The following PCSK2 variants were observed in gnomAD, a reference collection of about 807,000 sequenced individuals.
PCSK2 encodes the protein proprotein convertase subtilisin/kexin type 2.
A neutral mutation model predicts 69.7 loss-of-function variants in PCSK2; 14 were observed. The observed-to-expected ratio is 0.20, with a 90% CI of 0.13 to 0.31. The LOEUF (loss-of-function observed/expected upper bound fraction) is 0.31. Among genes scored for constraint, PCSK2 ranks in the 10% least tolerant of loss-of-function variants. PCSK2 has a pLI of 1.00. For synonymous variants in PCSK2, 307 were observed against 320.7 expected, an observed-to-expected ratio of 0.96 and a Z score of 0.46; for missense variants, 544 against 842.5, an observed-to-expected ratio of 0.65 and a Z score of 4.39.
At chr20:17,402,528 T>C (rs1296886409) in intron 5 of PCSK2, among the ~76,000 whole-genome samples, 1 of 151,878 alleles carries the variant, frequency 6.6e-6, no homozygotes, top group Non-Finnish European at 1.5e-5. Context: ...CCAGGCATGG[T>C]GGCACACCTG....
chr20:17,354,477 T>A (rs2030127187), intron 2 of PCSK2, among the ~76,000 whole-genome samples: 1 of 152,142 alleles, frequency 6.6e-6, no homozygotes, highest in African/African-American at 2.4e-5. Flanking sequence ...GTTTAGACAC[T>A]CGGAAATATT....
At chr20:17,328,517 C>T (rs903307796) in intron 2 of PCSK2, among the ~76,000 whole-genome samples, 1 of 151,330 alleles carries the variant, frequency 6.6e-6, no homozygotes, top group African/African-American at 2.4e-5. Context: ...TAATTTAGTA[C>T]ATATTTATTA....
intron 5 of PCSK2, 120 bp downstream of exon 5, chr20:17,369,397 T>TGC (rs2030691902): frequency 1.3e-6 from 1 of 775,444 alleles, no homozygotes; most frequent in South Asian, 1.5e-5. Flanking sequence ...TACAGGAGCA[T>TGC]GCACACACAC....
intron 1 of PCSK2, among the ~76,000 whole-genome samples, chr20:17,255,864 C>T (rs1987158497): frequency 6.6e-6 from 1 of 152,056 alleles, no homozygotes; most frequent in African/African-American, 2.4e-5. Flanking sequence ...CAGTTTGCTA[C>T]TATTTTGATG....
At chr20:17,445,327 C>T (rs1157978799) in intron 8 of PCSK2, among the ~76,000 whole-genome samples, 1 of 151,878 alleles carries the variant, frequency 6.6e-6, no homozygotes, top group Non-Finnish European at 1.5e-5. Flanking sequence ...AACCCTGGCA[C>T]ACCTTTTGCT....
chr20:17,415,494 T>C (rs1434049756), intron 6 of PCSK2, among the ~76,000 whole-genome samples: 6 of 152,138 alleles, frequency 3.9e-5, no homozygotes, highest in Non-Finnish European at 4.4e-5. Context: ...GTGAAGGACC[T>C]CTTCAAGGAG....
chr20:17,269,096 T>C (rs1330161164), intron 2 of PCSK2, among the ~76,000 whole-genome samples: 2 of 152,184 alleles, frequency 1.3e-5, no homozygotes, highest in African/African-American at 2.4e-5. Flanking sequence ...AGTTTAGTTT[T>C]AAGCACGTTA....
chr20:17,472,849 G>A (rs2033226766), intron 11 of PCSK2, among the ~76,000 whole-genome samples: 1 of 152,276 alleles, frequency 6.6e-6, no homozygotes, highest in Non-Finnish European at 1.5e-5. Flanking sequence ...TTACAGGCAT[G>A]AGCCACCACA....
At chr20:17,413,259 C>T (rs2031919109) in intron 6 of PCSK2, among the ~76,000 whole-genome samples, 1 of 152,062 alleles carries the variant, frequency 6.6e-6, no homozygotes, top group Admixed American at 6.5e-5. Flanking sequence ...GAGTCAAGAC[C>T]CATCAGTGTG....
rs1491140650 is a variant in PCSK2 at position 17,303,462 on chromosome 20, TAA to T, written c.282+43119_282+43120del. ...AATATAATATATATTATATTAAATATAATATATATTATATATAATATATATTA... is the reference window on the plus strand; with the variant it reads ...AATATAATATATATTATATTAAATATTATATATTATATATAATATATATTA... On this transcript the variant is annotated intron_variant, in intron 2 of 11. Transcript: ENST00000262545. Among the ~76,000 whole-genome samples the T allele has an allele frequency of 6.1e-4, 38 of 62,698 alleles. 1 individual carries two copies. The highest frequency in any genetic ancestry group is 9.8e-4 in the Non-Finnish European group (32 of 32,720). The allele number at this position is 62,698 out of a possible 152,430, so 41.1% of individuals were successfully genotyped here. A position where few individuals can be genotyped will look rare whatever the true frequency, so the allele number is the denominator to read the frequency against.
intron 2 of PCSK2, among the ~76,000 whole-genome samples, chr20:17,331,142 T>C (rs2123151483): frequency 6.6e-6 from 1 of 152,198 alleles, no homozygotes; most frequent in African/African-American, 2.4e-5. Context: ...GATCTAAAGG[T>C]AGCGCTCCTG....
In PCSK2 at chr20:17,259,753, G is replaced by A. The variant is rs1987306982; in HGVS notation, c.178-487G>A. ...CACACTGTGCTCAGCCTGATAAAAGGCACCAAGGGTTCACAGAAAAAGCCC... is the reference window on the plus strand; with the variant it reads ...CACACTGTGCTCAGCCTGATAAAAGACACCAAGGGTTCACAGAAAAAGCCC... On this transcript the variant is annotated intron_variant, in intron 1 of 11. Transcript: ENST00000262545. Among the ~76,000 whole-genome samples the A allele has an allele frequency of 6.6e-5, 10 of 152,244 alleles. No homozygotes were observed. In the South Asian group the frequency reaches 1.9e-3, roughly 28 times the overall value.
chr20:17,467,251 T>A (rs1367501007), intron 11 of PCSK2, among the ~76,000 whole-genome samples: 1 of 152,234 alleles, frequency 6.6e-6, no homozygotes, highest in Non-Finnish European at 1.5e-5. Flanking sequence ...TTGTGCCCTG[T>A]CTCCCTTTGA....
chr20:17,314,250 TA>T (rs1236077661), intron 2 of PCSK2, among the ~76,000 whole-genome samples: 1 of 152,204 alleles, frequency 6.6e-6, no homozygotes, highest in Admixed American at 6.5e-5. Context: ...CCTCTCTAGG[TA>T]GTTTTTTATT....
chr20:17,295,010 T>C (rs1330509168), intron 2 of PCSK2, among the ~76,000 whole-genome samples: 1 of 152,198 alleles, frequency 6.6e-6, no homozygotes, highest in African/African-American at 2.4e-5. Context: ...GCAATGTCCA[T>C]TTTATTGCTA....
chr20:17,465,869 A>G (rs1055501527), intron 11 of PCSK2, among the ~76,000 whole-genome samples: 1 of 151,980 alleles, frequency 6.6e-6, no homozygotes, highest in Non-Finnish European at 1.5e-5. Flanking sequence ...AAGCCTCACT[A>G]TGTTGTCCAA....
chr20:17,256,197 CT>C (rs1987169455), intron 1 of PCSK2, among the ~76,000 whole-genome samples: 1 of 152,070 alleles, frequency 6.6e-6, no homozygotes, highest in Admixed American at 6.5e-5. Flanking sequence ...TCCAGAATTT[CT>C]GTTTGGTTCT....
At chr20:17,365,019 A>C (rs1436978058) in intron 4 of PCSK2, among the ~76,000 whole-genome samples, 3 of 152,190 alleles carry the variant, frequency 2.0e-5, no homozygotes, top group Non-Finnish European at 4.4e-5. Flanking sequence ...ACAGGACTCC[A>C]GGGGATTGGC....
At chr20:17,233,444 G>A (rs558560437) in intron 1 of PCSK2, among the ~76,000 whole-genome samples, 1 of 152,198 alleles carries the variant, frequency 6.6e-6, no homozygotes, top group South Asian at 2.1e-4. Context: ...ATTGAGTAAG[G>A]AATAGGAACC....
Sources: gnomAD v4.1 joint callset for allele counts (sites outside exome capture counted in the v4.1 genomes callset) on GRCh38, gnomAD v4.1.1 for gene constraint, MANE v1.5 for transcripts, NCBI Gene and HGNC (gene_info 2026-07-23, HGNC 2026-07-21) for gene names.